Variants in KIAA0825 observed in about 807,000 individuals in gnomAD.
KIAA0825 encodes the protein KIAA0825.
KIAA0825 carries 119 observed loss-of-function variants against 147.6 expected under a neutral mutation model. The ratio of observed to expected loss-of-function variants is 0.81; its 90% CI spans 0.69 to 0.94. KIAA0825 has a LOEUF of 0.94. Ranked by LOEUF, KIAA0825 falls within the 40% of genes least tolerant of loss-of-function variation. The pLI, the probability that KIAA0825 is intolerant of heterozygous loss-of-function variation, is 0.00. For missense variants in KIAA0825, 1,381 were observed against 1,472.7 expected (o/e 0.94, Z 1.02); for synonymous variants, 470 against 518.1 (o/e 0.91, Z 1.26).
At chr5:94,606,816 C>A (rs748502640) in intron 1 of KIAA0825, among the ~76,000 whole-genome samples, 5 of 152,088 alleles carry the variant, frequency 3.3e-5, no homozygotes, top group African/African-American at 7.2e-5. Context: ...AAGCACAGTG[C>A]CAGCATCTGC....
chr5:94,616,427 G>A (rs973728955), intron 1 of KIAA0825, among the ~76,000 whole-genome samples: 3 of 152,066 alleles, frequency 2.0e-5, no homozygotes, highest in Non-Finnish European at 2.9e-5. Flanking sequence ...ATCTGTTTGA[G>A]GGTTACGTGA....
At chr5:94,433,513 T>C (rs1247195756) in intron 14 of KIAA0825, among the ~76,000 whole-genome samples, 1 of 152,228 alleles carries the variant, frequency 6.6e-6, no homozygotes, top group South Asian at 2.1e-4. Context: ...AATATTGCTA[T>C]TTGGTAAATG....
chr5:94,613,241 T>C (rs965524224), intron 1 of KIAA0825, among the ~76,000 whole-genome samples: 2 of 152,130 alleles, frequency 1.3e-5, no homozygotes, highest in Non-Finnish European at 2.9e-5. Context: ...GTCACCCAGG[T>C]TGGAGTGCGG....
chr5:94,386,469 G>A, intron 18 of KIAA0825, 65 bp from the exon 19 acceptor site: 1 of 1,308,538 alleles, frequency 7.6e-7, no homozygotes, highest in Admixed American at 2.3e-5. Context: ...AAAATAAACT[G>A]ATCAATATCC....
intron 18 of KIAA0825, among the ~76,000 whole-genome samples, chr5:94,389,679 T>A (rs1442752614): frequency 6.6e-6 from 1 of 152,138 alleles, no homozygotes; most frequent in Non-Finnish European, 1.5e-5. Flanking sequence ...ATAACACTAC[T>A]CATGAAATGA....
chr5:94,408,781 A>G (rs1584406186), intron 15 of KIAA0825, among the ~76,000 whole-genome samples: 1 of 152,220 alleles, frequency 6.6e-6, no homozygotes, highest in East Asian at 1.9e-4. Flanking sequence ...GTATAGAAGA[A>G]GAGAAGAACG....
chr5:94,325,865 T>A (rs922264474), intron 20 of KIAA0825, among the ~76,000 whole-genome samples: 1 of 152,060 alleles, frequency 6.6e-6, no homozygotes, highest in Non-Finnish European at 1.5e-5. Flanking sequence ...GAATACATAT[T>A]TTGGCCCTAA....
Position 94,177,514 on chromosome 5 carries a change from C to T in KIAA0825, c.3711-23390G>A, listed in dbSNP as rs1769214076. 2.0e-5 allele frequency among the ~76,000 whole-genome samples: 3 copies of T among 152,030 alleles called. No individual in the cohort carries two copies. In the South Asian group the frequency reaches 6.2e-4, roughly 31 times the overall value. On this transcript the variant is annotated intron_variant, in intron 20 of 20. Transcript: ENST00000682413. ...TCACACTTTTCATAGAGAACAGCCA[C>T]TTCTAAAACCCCCTAAATTCCTCTA...
chr5:94,372,797 T>C (rs1297602237), intron 20 of KIAA0825, among the ~76,000 whole-genome samples: 1 of 152,246 alleles, frequency 6.6e-6, no homozygotes, highest in East Asian at 1.9e-4. Context: ...GCTTAAATTC[T>C]CCCCAGAAAA....
chr5:94,315,120 A>C (rs1416606467), intron 20 of KIAA0825, among the ~76,000 whole-genome samples: 5 of 151,738 alleles, frequency 3.3e-5, no homozygotes, highest in African/African-American at 1.2e-4. Flanking sequence ...AACGTGTCAT[A>C]TCTAATGATG....
At chr5:94,465,175 T>A in intron 10 of KIAA0825, 116 bp from the exon 11 acceptor site, 1 of 865,698 alleles carries the variant, frequency 1.2e-6, no homozygotes, top group Non-Finnish European at 1.7e-6. Flanking sequence ...TTTGACACAC[T>A]AGAAGACCAA....
chr5:94,259,192 G>A (rs1039336915), intron 20 of KIAA0825, among the ~76,000 whole-genome samples: 1 of 151,984 alleles, frequency 6.6e-6, no homozygotes, highest in African/African-American at 2.4e-5. Context: ...TCTAAATTTT[G>A]TGTGCCAACT....
At chr5:94,574,988 G>C (rs527349883) in intron 2 of KIAA0825, among the ~76,000 whole-genome samples, 1 of 152,152 alleles carries the variant, frequency 6.6e-6, no homozygotes, top group Non-Finnish European at 1.5e-5. Context: ...TCAACTGGGG[G>C]CCCTTGTAAT....
At chr5:94,532,869 A>T (rs1771110567) in intron 3 of KIAA0825, among the ~76,000 whole-genome samples, 1 of 151,708 alleles carries the variant, frequency 6.6e-6, no homozygotes, top group Non-Finnish European at 1.5e-5. Flanking sequence ...TACCAGCAAA[A>T]CTTACTTCCT....
At chr5:94,535,844 T>C (rs1022670682) in intron 3 of KIAA0825, among the ~76,000 whole-genome samples, 13 of 152,214 alleles carry the variant, frequency 8.5e-5, no homozygotes, top group African/African-American at 3.1e-4. Context: ...CAATTACCAT[T>C]GTAAAAAGTT....
intron 14 of KIAA0825, among the ~76,000 whole-genome samples, chr5:94,424,847 G>A (rs149465203): frequency 2.0e-5 from 3 of 152,252 alleles, no homozygotes; most frequent in East Asian, 1.9e-4. Context: ...GATCATCAGA[G>A]ATTATTATGA....
chr5:94,387,555 T>A (rs1159232562), intron 18 of KIAA0825, among the ~76,000 whole-genome samples: 1 of 151,644 alleles, frequency 6.6e-6, no homozygotes, highest in Non-Finnish European at 1.5e-5. Flanking sequence ...ATTAGCTGAG[T>A]GTGGTGGTGG....
At chr5:94,240,444 C>T (rs898571253) in intron 20 of KIAA0825, among the ~76,000 whole-genome samples, 6 of 152,142 alleles carry the variant, frequency 3.9e-5, no homozygotes, top group Admixed American at 3.9e-4. Context: ...GTTTGGTTTT[C>T]TGATAGACTG....
chr5:94,346,934 G>C (rs750191611), intron 20 of KIAA0825, among the ~76,000 whole-genome samples: 3 of 152,148 alleles, frequency 2.0e-5, no homozygotes, highest in Non-Finnish European at 4.4e-5. Context: ...AAGCCTGTAT[G>C]ACTCTGCCTG....
Sources: allele counts gnomAD v4.1 joint callset (sites outside exome capture counted in the v4.1 genomes callset), GRCh38; gene constraint gnomAD v4.1.1; transcripts MANE v1.5; gene names NCBI Gene and HGNC (gene_info 2026-07-23, HGNC 2026-07-21).